Variants in ADAMTS2 observed in about 807,000 individuals in gnomAD.
The protein encoded by ADAMTS2 is ADAM metallopeptidase with thrombospondin type 1 motif 2, also known as A disintegrin and metalloproteinase with thrombospondin motifs 2.
In ADAMTS2, 50 loss-of-function variants were observed where a neutral mutation model predicts 123.0. The ratio of observed to expected loss-of-function variants is 0.41; its 90% CI spans 0.32 to 0.51. The LOEUF (loss-of-function observed/expected upper bound fraction) is 0.51, where lower values mean the gene tolerates loss of function less well. ADAMTS2 is among the 20% of genes least tolerant of loss of function. The pLI, the probability that ADAMTS2 is intolerant of heterozygous loss-of-function variation, is 0.35. For synonymous variants in ADAMTS2, 678 were observed against 695.4 expected (o/e 0.98, Z 0.39); for missense variants, 1,494 against 1,705.2 (o/e 0.88, Z 2.18).
intron 4 of ADAMTS2, among the ~76,000 whole-genome samples, chr5:179,186,676 G>A (rs997054019): frequency 6.6e-6 from 1 of 152,224 alleles, no homozygotes; most frequent in African/African-American, 2.4e-5. Flanking sequence ...TTTCTGCAGA[G>A]CAGAGAGTCG....
intron 4 of ADAMTS2, among the ~76,000 whole-genome samples, chr5:179,201,878 T>C (rs1392415712): frequency 6.6e-6 from 1 of 152,096 alleles, no homozygotes; most frequent in Non-Finnish European, 1.5e-5. Context: ...CATGCTTTTC[T>C]AGATGTAAGG....
chr5:179,240,050 G>A (rs575970286), intron 3 of ADAMTS2, among the ~76,000 whole-genome samples: 1 of 152,192 alleles, frequency 6.6e-6, no homozygotes, highest in Non-Finnish European at 1.5e-5. Context: ...CACCTAGGGG[G>A]TGCTGCTGAG....
intron 3 of ADAMTS2, among the ~76,000 whole-genome samples, chr5:179,232,094 T>A (rs1197493435): frequency 2.0e-5 from 3 of 152,224 alleles, no homozygotes; most frequent in African/African-American, 7.2e-5. Flanking sequence ...TGCATCTTTT[T>A]AAAGTAAAAT....
intron 20 of ADAMTS2, 151 bp downstream of exon 20, chr5:179,122,493 C>T: frequency 8.4e-7 from 1 of 1,196,166 alleles, no homozygotes; most frequent in Non-Finnish European, 1.2e-6. Context: ...GGTCCCAGAC[C>T]TGGCCTGCAG....
intron 2 of ADAMTS2, among the ~76,000 whole-genome samples, chr5:179,291,518 G>C (rs1756189683): frequency 6.6e-6 from 1 of 152,118 alleles, no homozygotes. Flanking sequence ...CTCCTCCCAG[G>C]CTGGTCTGCA....
intron 2 of ADAMTS2, among the ~76,000 whole-genome samples, chr5:179,276,066 G>A (rs1198455827): frequency 1.3e-5 from 2 of 152,250 alleles, no homozygotes; most frequent in East Asian, 3.9e-4. Flanking sequence ...GAGGGGGTGG[G>A]AACCCTGCAG....
chr5:179,140,974 AT>A (rs199790194), intron 10 of ADAMTS2, among the ~76,000 whole-genome samples: 23,256 of 142,776 alleles, frequency 0.16, 1,899 homozygotes, highest in African/African-American at 0.23. Flanking sequence ...TAATTTTTGC[AT>A]TTTTTTTTTT....
At chr5:179,276,600 G>A (rs562773202) in intron 2 of ADAMTS2, among the ~76,000 whole-genome samples, 2 of 152,306 alleles carry the variant, frequency 1.3e-5, no homozygotes, top group East Asian at 3.9e-4. Flanking sequence ...CCACCCAAGT[G>A]ATTTCATCCA....
chr5:179,219,471 T>A (rs1280625466), intron 3 of ADAMTS2, among the ~76,000 whole-genome samples: 2 of 152,228 alleles, frequency 1.3e-5, no homozygotes, highest in Non-Finnish European at 2.9e-5. Context: ...GATTGAGGCA[T>A]CAGACCAGGC....
intron 4 of ADAMTS2, among the ~76,000 whole-genome samples, chr5:179,204,516 C>A (rs1055883031): frequency 6.6e-6 from 1 of 152,226 alleles, no homozygotes; most frequent in South Asian, 2.1e-4. Context: ...CCCAGCACCG[C>A]GGGAAGCTCT....
chr5:179,231,361 C>T (rs946577117), intron 3 of ADAMTS2, among the ~76,000 whole-genome samples: 2 of 152,116 alleles, frequency 1.3e-5, no homozygotes, highest in Admixed American at 6.6e-5. Flanking sequence ...CTGTGCACTT[C>T]GAAATTCTCT....
chr5:179,343,709 T>C, intron 2 of ADAMTS2, 58 bp downstream of exon 2: 1 of 1,579,654 alleles, frequency 6.3e-7, no homozygotes, highest in Non-Finnish European at 8.5e-7. Context: ...AGGTAACCCT[T>C]TTCCAAAACC....
Position 179,344,140 on chromosome 5 carries a change from G to T in ADAMTS2, c.161C>A (p.Ala54Glu), listed in dbSNP as rs368221089. 4 of 1,601,362 alleles carry T rather than the reference G, an allele frequency of 2.5e-6. No individual in the cohort carries two copies. The highest frequency in any genetic ancestry group is 3.4e-6 in the Non-Finnish European group (4 of 1,174,652). Reference sequence around the variant, plus strand: ...CACGGGCACCGCCAGGATGCGCTCCGCTCCGTGCCCCAGGGGCCCGCCTGC... The same window carrying T: ...CACGGGCACCGCCAGGATGCGCTCCTCTCCGTGCCCCAGGGGCCCGCCTGC... ...DPPGGPLGHG[A>E]ERILAVPVRT... Residue 54 changes from alanine to glutamate, a missense_variant, in exon 2 of 22, where the codon GCG becomes GAG. Physicochemically the swap from Ala to Glu is moderately radical, Grantham distance 107. Transcript: ENST00000251582.
At chr5:179,339,812 G>A (rs1022864654) in intron 2 of ADAMTS2, among the ~76,000 whole-genome samples, 10 of 152,216 alleles carry the variant, frequency 6.6e-5, no homozygotes, top group South Asian at 2.1e-4. Flanking sequence ...CCCAGGACCC[G>A]CTCACACCTG....
intron 2 of ADAMTS2, among the ~76,000 whole-genome samples, chr5:179,330,537 C>T (rs762821052): frequency 6.6e-6 from 1 of 152,342 alleles, no homozygotes; most frequent in African/African-American, 2.4e-5. Context: ...AAGAGAAGAA[C>T]GCAGCAACTC....
At position 179,132,234 on chromosome 5, in the gene ADAMTS2, A is replaced by ATGG; in HGVS notation, c.2283_2285dup (p.His762dup). On this transcript the variant is annotated inframe_insertion, in exon 15 of 22. Coordinates refer to ENST00000251582, the MANE Select transcript of ADAMTS2 (RefSeq NM_014244.5). This position sits in a 1 kb window ranked among gnomAD's most constrained non-coding sequence, Gnocchi z 6.1. ...TTGTCCGGCTCTGAGACTCACCCAG[A>ATGG]TGGTGGCTGGTGGCGTCTACCTCCT... The ATGG allele has an allele frequency of 2.5e-6, 4 of 1,613,996 alleles. No individual in the cohort carries two copies. In the South Asian group the frequency reaches 4.4e-5, roughly 18 times the overall value.
chr5:179,315,251 A>AGCACTGAGGCCACAGTTGGCTTCTGGAAC, intron 2 of ADAMTS2, among the ~76,000 whole-genome samples: 1 of 152,050 alleles, frequency 6.6e-6, no homozygotes. Flanking sequence ...GCTTCTGGAA[A>AGCACTGAGGCCACAGTTGGCTTCTGGAAC]GCACTGAGGC....
rs1380809083 is a variant in ADAMTS2, at chr5:179,129,990, T to C, written c.2399A>G (p.Glu800Gly). The change falls in exon 16 of 22, where the codon GAG (glutamate) becomes GGG (glycine). Residue 800 changes from glutamate to glycine, a missense_variant. Glu to Gly is a moderately conservative substitution (Grantham distance 98). Coordinates refer to ENST00000251582, the MANE Select transcript of ADAMTS2 (RefSeq NM_014244.5). This position sits in a 1 kb window ranked among gnomAD's most constrained non-coding sequence, Gnocchi z 4.1. ...GGTCTGCAGCGTCTCCCGGCCGTCC[T>C]CGTCTCTGTACTCCCACTCCACGCC... ...AMGVEWEYRD[E>G]DGRETLQTMG... The C allele has an allele frequency of 1.9e-6, 3 of 1,614,098 alleles. No individual in the cohort carries two copies. The highest frequency in any genetic ancestry group is 1.7e-5 in the Admixed American group (1 of 60,026).
Position 179,121,681 on chromosome 5 carries a change from G to T in ADAMTS2, c.3158C>A (p.Pro1053His). 6.3e-7 allele frequency: 1 copy of T among 1,599,324 alleles called. No homozygotes were observed. Among genetic ancestry groups the T allele is most frequent in the Non-Finnish European group, 8.5e-7 (1 of 1,172,902 alleles). Residue 1053 changes from proline (P) to histidine (H), a missense_variant, in exon 21 of 22, where the codon CCC becomes CAC. Pro to His is a moderately conservative substitution (Grantham distance 77). This residue lies in a region of ADAMTS2 where 953 missense variants were observed against 1,124.7 expected (regional missense o/e 0.85). Coordinates refer to ENST00000251582, the MANE Select transcript of ADAMTS2 (RefSeq NM_014244.5). ...GTTACTTGACGAGATCTTCCGGATGGGCGAGTCGGGGTCCGGGCGGGACAG... is the reference window on the plus strand; with the variant it reads ...GTTACTTGACGAGATCTTCCGGATGTGCGAGTCGGGGTCCGGGCGGGACAG... Reference protein sequence around the residue: ...QWLSRPDPDSPIRKISSKGHC... With the variant: ...QWLSRPDPDSHIRKISSKGHC...
Sources: gnomAD v4.1 joint callset for allele counts (sites outside exome capture counted in the v4.1 genomes callset) on GRCh38, gnomAD v4.1.1 for gene constraint, gnomAD v4.1.1 regional missense constraint, Gnocchi (gnomAD v3.1) non-coding constraint, MANE v1.5 for transcripts, NCBI Gene and HGNC (gene_info 2026-07-23, HGNC 2026-07-21) for gene names.